The following TMEM178B variants were observed in gnomAD, a reference collection of about 807,000 sequenced individuals.
TMEM178B encodes transmembrane protein 178B.
A neutral mutation model predicts 31.0 loss-of-function variants in TMEM178B; 5 were observed. That is an observed-to-expected ratio of 0.16 (90% CI 0.08 to 0.34). The LOEUF (loss-of-function observed/expected upper bound fraction) is 0.34. Ranked by LOEUF, TMEM178B falls within the 10% of genes least tolerant of loss-of-function variation. The pLI, the probability that TMEM178B is intolerant of heterozygous loss-of-function variation, is 1.00. For missense variants in TMEM178B, 275 were observed against 400.3 expected, an observed-to-expected ratio of 0.69 and a Z score of 2.67; for synonymous variants, 164 against 164.0, an observed-to-expected ratio of 1.00 and a Z score of 0.00.
intron 3 of TMEM178B, among the ~76,000 whole-genome samples, chr7:141,439,806 G>C (rs560456750): frequency 6.6e-6 from 1 of 152,298 alleles, no homozygotes; most frequent in African/African-American, 2.4e-5. Context: ...GATGGCATTT[G>C]AGGCTCCTTC....
chr7:141,158,429 T>A (rs1796111030), intron 1 of TMEM178B, among the ~76,000 whole-genome samples: 2 of 152,200 alleles, frequency 1.3e-5, no homozygotes, highest in South Asian at 4.1e-4. Flanking sequence ...GTCCTGAAAG[T>A]TCTTCAAGAG....
At chr7:141,428,906 A>G (rs989528839) in intron 2 of TMEM178B, among the ~76,000 whole-genome samples, 3 of 152,124 alleles carry the variant, frequency 2.0e-5, no homozygotes, top group Non-Finnish European at 4.4e-5. Flanking sequence ...TCTTTCCTCC[A>G]AGGAGGCAAG....
At chr7:141,141,865 T>G (rs10225250) in intron 1 of TMEM178B, among the ~76,000 whole-genome samples, 9,247 of 152,300 alleles carry the variant, frequency 0.061, 944 homozygotes, top group African/African-American at 0.21. Context: ...ATGTATACAG[T>G]ACTTAACAAG....
At chr7:141,226,927 G>A (rs1164165175) in intron 2 of TMEM178B, among the ~76,000 whole-genome samples, 1 of 151,894 alleles carries the variant, frequency 6.6e-6, no homozygotes, top group Non-Finnish European at 1.5e-5. Context: ...TTAAATTGAA[G>A]GAGAGAGGCC....
chr7:141,164,853 T>C (rs902735022), intron 1 of TMEM178B, among the ~76,000 whole-genome samples: 6 of 152,120 alleles, frequency 3.9e-5, no homozygotes, highest in Admixed American at 3.9e-4. Context: ...ATGACTTCTA[T>C]CCTCAAGGTG....
downstream of TMEM178B, among the ~76,000 whole-genome samples, chr7:141,484,719 G>A (rs1214702226): frequency 6.6e-5 from 10 of 151,994 alleles, no homozygotes; most frequent in Admixed American, 5.2e-4. This position sits in a 1 kb window ranked among gnomAD's most constrained non-coding sequence, Gnocchi z 4.8. Context: ...ACACCACTAC[G>A]CCTGGCTAAT....
At chr7:141,265,129 C>A (rs1410209872) in intron 2 of TMEM178B, among the ~76,000 whole-genome samples, 1 of 152,226 alleles carries the variant, frequency 6.6e-6, no homozygotes, top group African/African-American at 2.4e-5. Context: ...CAACCTGTTA[C>A]AAGTCCCCAT....
chr7:141,381,983 C>A (rs1800324936), intron 2 of TMEM178B, among the ~76,000 whole-genome samples: 2 of 152,154 alleles, frequency 1.3e-5, no homozygotes, highest in African/African-American at 4.8e-5. Context: ...TAACTGAGAT[C>A]TTCACAGAAT....
At chr7:141,470,071 C>T (rs1467264435) in intron 3 of TMEM178B, among the ~76,000 whole-genome samples, 1 of 152,088 alleles carries the variant, frequency 6.6e-6, no homozygotes, top group Admixed American at 6.5e-5. Flanking sequence ...AAAGGAAAAC[C>T]TAATACTGTA....
intron 1 of TMEM178B, among the ~76,000 whole-genome samples, chr7:141,081,676 AG>A (rs1208966423): frequency 6.6e-6 from 1 of 152,134 alleles, no homozygotes; most frequent in Non-Finnish European, 1.5e-5. Flanking sequence ...TATTTCATAC[AG>A]TTGTAAAGTT....
At chr7:141,272,836 G>T (rs1178215024) in intron 2 of TMEM178B, among the ~76,000 whole-genome samples, 2 of 152,194 alleles carry the variant, frequency 1.3e-5, no homozygotes, top group Non-Finnish European at 1.5e-5. Context: ...ATTAAAAATA[G>T]ACCTACCGTT....
At chr7:141,088,153 G>A (rs917554795) in intron 1 of TMEM178B, among the ~76,000 whole-genome samples, 1 of 152,120 alleles carries the variant, frequency 6.6e-6, no homozygotes. Flanking sequence ...CCTGGCCTCT[G>A]TGTCTTCAAC....
At chr7:141,105,941 A>G (rs1453319601) in intron 1 of TMEM178B, among the ~76,000 whole-genome samples, 1 of 152,022 alleles carries the variant, frequency 6.6e-6, no homozygotes, top group Non-Finnish European at 1.5e-5. Context: ...CTAAAAATAT[A>G]AAAATTAGCC....
chr7:141,183,454 A>T (rs1244971809), intron 1 of TMEM178B, among the ~76,000 whole-genome samples: 4 of 152,222 alleles, frequency 2.6e-5, no homozygotes, highest in Non-Finnish European at 2.9e-5. Context: ...TGTGTTACCT[A>T]CAAAAAAGCA....
chr7:141,189,113 C>T (rs1796657039), intron 1 of TMEM178B, among the ~76,000 whole-genome samples: 2 of 152,222 alleles, frequency 1.3e-5, no homozygotes, highest in Admixed American at 6.5e-5. Context: ...ACCTGGACAT[C>T]ATAAGAGGCT....
chr7:141,462,196 T>C (rs1586976704), intron 3 of TMEM178B, among the ~76,000 whole-genome samples: 1 of 152,176 alleles, frequency 6.6e-6, no homozygotes, highest in Admixed American at 6.5e-5. Flanking sequence ...GAAAGTCCCA[T>C]GTTCCAGGCA....
intron 2 of TMEM178B, among the ~76,000 whole-genome samples, chr7:141,270,643 A>G (rs1482810080): frequency 2.6e-5 from 4 of 152,230 alleles, no homozygotes; most frequent in East Asian, 1.9e-4. Context: ...TAAAAACACT[A>G]TAGGATTCGA....
intron 1 of TMEM178B, among the ~76,000 whole-genome samples, chr7:141,156,706 G>A (rs911646740): frequency 3.3e-5 from 5 of 152,152 alleles, no homozygotes; most frequent in African/African-American, 7.2e-5. Flanking sequence ...TCTATTCTGC[G>A]TAATTACTTA....
At chr7:141,243,685 C>G (rs1797680625) in intron 2 of TMEM178B, among the ~76,000 whole-genome samples, 1 of 152,072 alleles carries the variant, frequency 6.6e-6, no homozygotes, top group Non-Finnish European at 1.5e-5. Context: ...GCCCATGGGC[C>G]CAGATCTATT....
Sources: allele counts gnomAD v4.1 joint callset (sites outside exome capture counted in the v4.1 genomes callset), GRCh38; gene constraint gnomAD v4.1.1; non-coding constraint Gnocchi (gnomAD v3.1); transcripts MANE v1.5; gene names NCBI Gene and HGNC (gene_info 2026-07-23, HGNC 2026-07-21).